TGM2: variants seen among roughly 807,000 people sequenced by gnomAD.
The protein encoded by TGM2 is protein-glutamine gamma-glutamyltransferase 2.
Under a neutral mutation model 75.6 loss-of-function variants are expected in TGM2, and 53 were observed. The observed-to-expected ratio is 0.70, with a 90% confidence interval of 0.56 to 0.88. The LOEUF is 0.88. TGM2 is among the 40% of genes least tolerant of loss of function. The pLI is 0.00. For synonymous variants in TGM2, 374 were observed against 381.1 expected (o/e 0.98, Z 0.22); for missense variants, 842 against 928.5 (o/e 0.91, Z 1.21).
At chr20:38,130,498 G>T in intron 12 of TGM2, 129 bp from the exon 13 acceptor site, 1 of 1,030,878 alleles carries the variant, frequency 9.7e-7, no homozygotes, top group Non-Finnish European at 1.4e-6. Flanking sequence ...CTCATTCTCG[G>T]CCCTCTGCGG....
chr20:38,130,336 CTTAA>C lies in TGM2; in HGVS notation c.1943_1946del (p.Val648GlyfsTer2). The C allele has an allele frequency of 6.2e-7, 1 of 1,603,826 alleles. No homozygotes were observed. Among genetic ancestry groups the C allele is most frequent in the Non-Finnish European group, 8.5e-7 (1 of 1,175,896 alleles). ...GGAGCGGCAGCAGGTCCATTCTCAC[CTTAA>C]CTTCCTCCCCTGCCTCCACGGGGTC... On this transcript the variant is annotated frameshift_variant, in exon 13 of 13. Coordinates refer to ENST00000361475, the MANE Select transcript of TGM2 (RefSeq NM_004613.4). LOFTEE classifies it high-confidence loss of function.
chr20:38,149,690 A>AAAAAAAAAAAAAAAAAAAAAAC (rs1457426013), intron 4 of TGM2, among the ~76,000 whole-genome samples: 2 of 149,006 alleles, frequency 1.3e-5, no homozygotes, highest in African/African-American at 5.1e-5. Flanking sequence ...AAAAAAAAAA[A>AAAAAAAAAAAAAAAAAAAAAAC]AAAAAAAAAA....
intron 6 of TGM2, among the ~76,000 whole-genome samples, chr20:38,143,686 T>C (rs1257857797): frequency 2.0e-5 from 3 of 152,172 alleles, no homozygotes; most frequent in Non-Finnish European, 2.9e-5. Flanking sequence ...AAATGTGCTT[T>C]TTATGTGTAT....
chr20:38,151,181 T>G (rs2075112280), intron 3 of TGM2, 124 bp from the exon 4 acceptor site: 5 of 746,468 alleles, frequency 6.7e-6, no homozygotes, highest in South Asian at 5.6e-5. Context: ...ATCCTTCTTT[T>G]AATTAGAAAA....
chr20:38,133,439 G>A (rs1383510448), intron 10 of TGM2: 2 of 154,410 alleles, frequency 1.3e-5, no homozygotes, highest in African/African-American at 4.8e-5. Context: ...GCCGCACAGT[G>A]ATATGGGGAT....
At chr20:38,141,441 C>T in intron 7 of TGM2, 56 bp from the exon 8 acceptor site, 3 of 1,304,812 alleles carry the variant, frequency 2.3e-6, no homozygotes, top group Non-Finnish European at 3.3e-6. Context: ...TTCATCGCCA[C>T]CTCCCACGGG....
Position 38,142,093 on chromosome 20 carries a change from C to G in TGM2, c.966G>C (p.Glu322Asp), listed in dbSNP as rs769264557. 1.6e-5 allele frequency: 26 copies of G among 1,614,182 alleles called. No individual in the cohort carries two copies. The highest frequency in any genetic ancestry group is 2.2e-5 in the Non-Finnish European group (26 of 1,180,042). ...TCATCTCGCTCTTGTCACCCTGGAT[C>G]TCCCCAAACTCATTGCGGAAGTACT... ...LIEYFRNEFG[E>D]IQGDKSEMIW... Residue 322 changes from glutamate (E) to aspartate (D), a missense_variant, in exon 7 of 13, where the codon GAG (glutamate) becomes GAC (aspartate). Transcript: ENST00000361475.
chr20:38,132,592 T>C, intron 10 of TGM2, 92 bp from the exon 11 acceptor site: 2 of 1,546,006 alleles, frequency 1.3e-6, no homozygotes, highest in South Asian at 1.1e-5. Context: ...GGGGAAGGAA[T>C]GTGCTTGGGG....
At chr20:38,142,261 C>T in intron 6 of TGM2, 62 bp from the exon 7 acceptor site, 1 of 1,605,826 alleles carries the variant, frequency 6.2e-7, no homozygotes, top group Non-Finnish European at 8.5e-7. Context: ...CTCTGGGCCT[C>T]CACCTGCCCA....
rs992130017 is a variant in TGM2, at chr20:38,127,695, A to G, written c.*2524T>C. On this transcript the variant is annotated 3_prime_UTR_variant, in exon 13 of 13. Coordinates refer to ENST00000361475, the MANE Select transcript of TGM2 (RefSeq NM_004613.4). ...ATTGAGTACAAAAATAAGAAGGTCAAATACCTTACTAATTCTTATATTGAT... is the reference window on the plus strand; with the variant it reads ...ATTGAGTACAAAAATAAGAAGGTCAGATACCTTACTAATTCTTATATTGAT... The G allele has an allele frequency of 1.3e-5, 2 of 152,252 alleles. No individual in the cohort carries two copies. The highest frequency in any genetic ancestry group is 1.3e-4 in the Admixed American group (2 of 15,292). The allele number at this position is 152,252 out of a possible 1,614,324, so 9.4% of individuals were successfully genotyped here.
chr20:38,150,116 TC>T (rs1449144119), intron 4 of TGM2, among the ~76,000 whole-genome samples: 2 of 152,274 alleles, frequency 1.3e-5, no homozygotes, highest in East Asian at 3.9e-4. Context: ...TTGTGAGTTT[TC>T]CCAGCAGAGT....
chr20:38,131,065 C>T lies in TGM2; in HGVS notation c.1913+28G>A, dbSNP rs372832230. 9.3e-6 allele frequency: 15 copies of T among 1,609,810 alleles called. No individual in the cohort carries two copies. In the African/African-American group the frequency reaches 9.3e-5, roughly 10 times the overall value. On this transcript the variant is annotated intron_variant, in intron 12 of 12. Transcript: ENST00000361475. ...CCGGCATCTGCCCGCTTCCCCCAGG[C>T]CCCAAAGCTAGAGCAGCCAGCACTT...
upstream of TGM2, chr20:38,165,486 C>G (rs1362387056): frequency 5.4e-6 from 3 of 550,738 alleles, no homozygotes; most frequent in Non-Finnish European, 9.6e-6. Context: ...CACAACTAGC[C>G]CAGGATACAG....
intron 2 of TGM2, among the ~76,000 whole-genome samples, chr20:38,157,443 G>T (rs1335354231): frequency 6.6e-6 from 1 of 152,230 alleles, no homozygotes; most frequent in South Asian, 2.1e-4. Context: ...CTGCCCCTGA[G>T]CACTGTGTGA....
At chr20:38,164,561 G>T (rs1294636643) in intron 1 of TGM2, among the ~76,000 whole-genome samples, 1 of 152,182 alleles carries the variant, frequency 6.6e-6, no homozygotes, top group Non-Finnish European at 1.5e-5. Context: ...AGATGGGTGG[G>T]GGTCTTGGGG....
rs1568678558 is a variant in TGM2, at chr20:38,129,218, ACTC to A, written c.*998_*1000del. 6.6e-6 allele frequency: 1 copy of A among 152,108 alleles called. No individual in the cohort carries two copies. The highest frequency in any genetic ancestry group is 1.5e-5 in the Non-Finnish European group (1 of 68,074). The allele number at this position is 152,108 out of a possible 1,614,324, so 9.4% of individuals were successfully genotyped here. A position where few individuals can be genotyped will look rare whatever the true frequency, so the allele number is the denominator to read the frequency against. ...TCCTTGGAGATGAGCTGGTTCAATC[ACTC>A]CTCTGACCAACAAGGAAACAAAGGC... On this transcript the variant is annotated 3_prime_UTR_variant, in exon 13 of 13. Transcript: ENST00000361475.
rs148777857 is a variant in TGM2, at chr20:38,134,191, G to A, written c.1616-1691C>T. Among the ~76,000 whole-genome samples the A allele has an allele frequency of 9.0e-4, 137 of 152,278 alleles. 1 individual carries two copies. Among genetic ancestry groups the A allele is most frequent in the African/African-American group, 3.0e-3 (125 of 41,550 alleles). Reference sequence around the variant, plus strand: ...AGGCTTTGACCTTGAACCTTTGACCGTGAACACTGGTGGTCTGCGTCCTCC... The same window carrying A: ...AGGCTTTGACCTTGAACCTTTGACCATGAACACTGGTGGTCTGCGTCCTCC... On this transcript the variant is annotated intron_variant, in intron 10 of 12. Transcript: ENST00000361475.
intron 1 of TGM2, among the ~76,000 whole-genome samples, chr20:38,164,562 G>A (rs1013443636): frequency 2.6e-5 from 4 of 152,074 alleles, no homozygotes; most frequent in African/African-American, 4.8e-5. Flanking sequence ...GATGGGTGGG[G>A]GTCTTGGGGG....
At chr20:38,147,936 T>A (rs1453073506) in intron 5 of TGM2, 25 bp downstream of exon 5, 1 of 1,602,332 alleles carries the variant, frequency 6.2e-7, no homozygotes, top group Admixed American at 1.7e-5. Flanking sequence ...GCCCCGCCCC[T>A]GGATGGGCCA....
Sources: allele counts gnomAD v4.1 joint callset (sites outside exome capture counted in the v4.1 genomes callset), GRCh38; gene constraint gnomAD v4.1.1; transcripts MANE v1.5; gene names NCBI Gene and HGNC (gene_info 2026-07-23, HGNC 2026-07-21).